C10orf67: variants seen among roughly 807,000 people sequenced by gnomAD.
The protein encoded by C10orf67 is chromosome 10 open reading frame 67, also known as uncharacterized protein C10orf67, mitochondrial.
In C10orf67, 60 loss-of-function variants were observed where a neutral mutation model predicts 35.6. The ratio of observed to expected loss-of-function variants is 1.68; its 90% confidence interval spans 1.37 to 2.09. The LOEUF is 2.09. Among genes scored for constraint, C10orf67 ranks in the 30% most tolerant of loss-of-function variants. C10orf67 has a pLI of 0.00. For missense variants in C10orf67, 474 were observed against 330.2 expected, an observed-to-expected ratio of 1.44 and a Z score of -3.38; for synonymous variants, 167 against 115.8, an observed-to-expected ratio of 1.44 and a Z score of -2.84.
At chr10:23,267,836 G>C (rs1842922568) in intron 8 of C10orf67, among the ~76,000 whole-genome samples, 1 of 151,970 alleles carries the variant, frequency 6.6e-6, no homozygotes, top group Admixed American at 6.5e-5. Flanking sequence ...AGGAGGCAGA[G>C]GTTGCAGTGA....
rs1183122342 is a variant in C10orf67, at chr10:23,223,851, C to G, written c.1435-33G>C. The G allele has an allele frequency of 9.8e-6, 7 of 711,828 alleles. No homozygotes were observed. In the East Asian group the frequency reaches 1.9e-4, roughly 19 times the overall value. The allele number at this position is 711,828 out of a possible 1,614,324, so 44.1% of individuals were successfully genotyped here. ...ACACAAAAGATATGTACTGTGTTATCAGGAGGAAATAATAGTCAAATCAAA... is the reference window on the plus strand; with the variant it reads ...ACACAAAAGATATGTACTGTGTTATGAGGAGGAAATAATAGTCAAATCAAA... On this transcript the variant is annotated intron_variant, in intron 13 of 15. Coordinates refer to ENST00000636213, the MANE Select transcript of C10orf67 (RefSeq NM_001371909.1).
intron 5 of C10orf67, among the ~76,000 whole-genome samples, chr10:23,297,727 G>A (rs1843934687): frequency 6.6e-6 from 1 of 152,198 alleles, no homozygotes; most frequent in African/African-American, 2.4e-5. Context: ...TTTCTTCTTT[G>A]TCTGGAAGAA....
At chr10:23,293,207 T>C (rs1184496312) in intron 5 of C10orf67, among the ~76,000 whole-genome samples, 3 of 152,234 alleles carry the variant, frequency 2.0e-5, no homozygotes, top group Non-Finnish European at 4.4e-5. Context: ...CTACGGGTTC[T>C]AAGAATCTCT....
At chr10:23,244,288 C>T (rs1842259018) in intron 12 of C10orf67, among the ~76,000 whole-genome samples, 1 of 152,112 alleles carries the variant, frequency 6.6e-6, no homozygotes. Context: ...TATGTCACAA[C>T]TTGTGGGAGG....
chr10:23,202,353 G>C (rs538935699), downstream of C10orf67: 112 of 152,244 alleles, frequency 7.4e-4, no homozygotes, highest in African/African-American at 2.7e-3. Flanking sequence ...ACCAGGTCTC[G>C]TCTTGATATC....
At chr10:23,338,359 G>A (rs1319889823) in intron 1 of C10orf67, among the ~76,000 whole-genome samples, 1 of 152,092 alleles carries the variant, frequency 6.6e-6, no homozygotes, top group East Asian at 1.9e-4. Flanking sequence ...CTAGTCAACA[G>A]CAGAGATCAA....
chr10:23,271,110 T>A (rs10828420), intron 8 of C10orf67, among the ~76,000 whole-genome samples: 21,353 of 152,042 alleles, frequency 0.14, 2,921 homozygotes, highest in East Asian at 0.71. Context: ...CAGAAAAAAG[T>A]GGGATCACAA....
chr10:23,267,993 A>C (rs1842926648), intron 8 of C10orf67, among the ~76,000 whole-genome samples: 1 of 152,150 alleles, frequency 6.6e-6, no homozygotes, highest in Non-Finnish European at 1.5e-5. Context: ...TTTACTTTAA[A>C]AATCAATTTC....
At chr10:23,282,296 C>T (rs189630928) in intron 7 of C10orf67, among the ~76,000 whole-genome samples, 15 of 152,282 alleles carry the variant, frequency 9.9e-5, no homozygotes, top group Middle Eastern at 3.4e-3. Context: ...TTTATTTACA[C>T]CTTTTCTCAC....
intron 5 of C10orf67, among the ~76,000 whole-genome samples, chr10:23,293,766 A>C (rs1477339847): frequency 2.0e-5 from 3 of 152,244 alleles, no homozygotes; most frequent in African/African-American, 7.2e-5. Flanking sequence ...TATTCACAAG[A>C]TGCATAGAAT....
At position 23,282,106 on chromosome 10, in the gene C10orf67, A is replaced by G. The variant is rs573098256; in HGVS notation, c.910-28T>C. 4.4e-5 allele frequency: 23 copies of G among 526,840 alleles called. No individual in the cohort carries two copies. In the South Asian group the frequency reaches 7.0e-4, roughly 16 times the overall value. 32.6% of individuals were successfully genotyped at this position (526,840 alleles called of 1,614,324 possible). ...GAAATAGAGAAGAAATTATATTTTT[A>G]TTAAAGATAAGAACAGAACACCTAA... On this transcript the variant is annotated intron_variant, in intron 7 of 15. Transcript: ENST00000636213.
chr10:23,313,164 CAG>C lies in C10orf67; in HGVS notation c.546+7575_546+7576del, dbSNP rs1327139246. On this transcript the variant is annotated intron_variant, in intron 4 of 15. Coordinates refer to ENST00000636213, the MANE Select transcript of C10orf67 (RefSeq NM_001371909.1). ...TTCCTTAACTATTCACCCAAATTGA[CAG>C]AGAGTTATGCACCCACTGGGTACAA... Among the ~76,000 whole-genome samples the C allele has an allele frequency of 5.3e-5, 8 of 152,174 alleles. 1 individual carries two copies. Among genetic ancestry groups the C allele is most frequent in the Non-Finnish European group, 1.0e-4 (7 of 68,038 alleles).
chr10:23,317,907 G>C (rs1823360406), intron 4 of C10orf67: 1 of 151,306 alleles, frequency 6.6e-6, no homozygotes, highest in Admixed American at 6.6e-5. Context: ...AGACCAGCCT[G>C]GATAACATAG....
chr10:23,310,505 T>C (rs1844458224), intron 4 of C10orf67, among the ~76,000 whole-genome samples: 1 of 152,244 alleles, frequency 6.6e-6, no homozygotes, highest in Non-Finnish European at 1.5e-5. Context: ...GGAGGGTCCA[T>C]GCTGGCCTGG....
intron 15 of C10orf67, among the ~76,000 whole-genome samples, chr10:23,204,571 C>G (rs1028030595): frequency 7.2e-5 from 11 of 152,172 alleles, no homozygotes; most frequent in Non-Finnish European, 1.3e-4. Flanking sequence ...ACTCAACATT[C>G]TACTTGAAGC....
At chr10:23,333,381 CAT>C (rs1845555223) in intron 1 of C10orf67, among the ~76,000 whole-genome samples, 199 bp from the exon 2 acceptor site, 1 of 152,154 alleles carries the variant, frequency 6.6e-6, no homozygotes, top group Non-Finnish European at 1.5e-5. Context: ...TGGACTGAGG[CAT>C]ATTGCTCTAT....
At chr10:23,240,708 C>A (rs142926148) in intron 12 of C10orf67, among the ~76,000 whole-genome samples, 2 of 152,308 alleles carry the variant, frequency 1.3e-5, no homozygotes, top group East Asian at 3.9e-4. Flanking sequence ...CATTTACTCA[C>A]ACAAAAGACT....
chr10:23,291,632 G>A (rs1202650792), intron 5 of C10orf67, among the ~76,000 whole-genome samples: 1 of 152,196 alleles, frequency 6.6e-6, no homozygotes, highest in Non-Finnish European at 1.5e-5. Context: ...AGTGCTGTCC[G>A]CCTGTAACTA....
At chr10:23,256,760 T>C (rs1336349431) in intron 10 of C10orf67, among the ~76,000 whole-genome samples, 1 of 152,000 alleles carries the variant, frequency 6.6e-6, no homozygotes, top group Non-Finnish European at 1.5e-5. Flanking sequence ...GGAGTCTCTG[T>C]TGATGGTGCA....
Sources: allele counts gnomAD v4.1 joint callset (sites outside exome capture counted in the v4.1 genomes callset), GRCh38; gene constraint gnomAD v4.1.1; transcripts MANE v1.5; gene names NCBI Gene and HGNC (gene_info 2026-07-23, HGNC 2026-07-21).